Variants in EPB41L5 observed in about 807,000 individuals in gnomAD.
The protein encoded by EPB41L5 is erythrocyte membrane protein band 4.1 like 5.
EPB41L5 carries 55 observed loss-of-function variants against 106.6 expected under a neutral mutation model. The ratio of observed to expected loss-of-function variants is 0.52; its 90% confidence interval spans 0.42 to 0.65. EPB41L5 has a LOEUF of 0.65. EPB41L5 is among the 30% of genes least tolerant of loss of function. EPB41L5 has a pLI of 0.00. For synonymous variants in EPB41L5, 297 were observed against 306.7 expected, an observed-to-expected ratio of 0.97 and a Z score of 0.33; for missense variants, 871 against 882.1, an observed-to-expected ratio of 0.99 and a Z score of 0.16.
rs1253324285 is a variant in EPB41L5 at position 120,090,361 on chromosome 2, A to G, written c.888A>G (p.Glu296=). Residue 296 remains glutamate, a synonymous_variant, in exon 12 of 25, where the codon GAA becomes GAG. Coordinates refer to ENST00000263713, the MANE Select transcript of EPB41L5 (RefSeq NM_020909.4). ...VEDDDQGKEQ[E]HTFVFRLDHP... Reference sequence around the variant, plus strand: ...TTCTTTTTCAGGGCAAAGAACAGGAACATACATTTGTCTTTAGACTGGATC... The same window carrying G: ...TTCTTTTTCAGGGCAAAGAACAGGAGCATACATTTGTCTTTAGACTGGATC... 1 of 1,607,944 alleles carries G rather than the reference A, an allele frequency of 6.2e-7. No individual in the cohort carries two copies. Among genetic ancestry groups the G allele is most frequent in the Non-Finnish European group, 8.5e-7 (1 of 1,178,284 alleles).
chr2:120,054,308 A>C (rs779186448), intron 3 of EPB41L5, among the ~76,000 whole-genome samples: 1 of 152,170 alleles, frequency 6.6e-6, no homozygotes, highest in Non-Finnish European at 1.5e-5. Flanking sequence ...CTGGGTACTC[A>C]GCCCTAGTCA....
At chr2:120,067,602 G>A (rs546858668) in intron 3 of EPB41L5, among the ~76,000 whole-genome samples, 16 of 152,242 alleles carry the variant, frequency 1.1e-4, no homozygotes, top group African/African-American at 2.4e-4. Flanking sequence ...TGGACATTTC[G>A]AAGTCTCATA....
At chr2:120,136,274 AAAAAGCAAGAAATT>A (rs1162331292) in intron 18 of EPB41L5, among the ~76,000 whole-genome samples, 4 of 151,800 alleles carry the variant, frequency 2.6e-5, no homozygotes, top group African/African-American at 9.7e-5. Flanking sequence ...ACAAAGAAAT[AAAAAGCAAGAAATT>A]TAAACATACC....
chr2:120,023,154 TG>T (rs931370236), intron 2 of EPB41L5, among the ~76,000 whole-genome samples: 2 of 152,212 alleles, frequency 1.3e-5, no homozygotes, highest in African/African-American at 2.4e-5. Context: ...TTTCTTTTGC[TG>T]GGCAAAATAA....
intron 3 of EPB41L5, among the ~76,000 whole-genome samples, chr2:120,066,136 A>G (rs1457713018): frequency 1.3e-5 from 2 of 152,156 alleles, no homozygotes; most frequent in Non-Finnish European, 2.9e-5. Context: ...TAATATTACT[A>G]AAAAATTAAA....
Position 120,167,891 on chromosome 2 carries a change from G to C in EPB41L5, c.2019G>C (p.Met673Ile). Residue 673 changes from methionine (M) to isoleucine (I), a missense_variant, in exon 24 of 25, where the codon ATG becomes ATC. Physicochemically the swap from Met to Ile is conservative, Grantham distance 10. Transcript: ENST00000263713. ...ATCTCCCACAGCAGAGTGGTGCCAT[G>C]TCTAATGGACTTGCGGGATGTGAAA... ...PRWIVPQSGA[M>I]SNGLAGCEML... 6.2e-7 allele frequency: 1 copy of C among 1,614,152 alleles called. No individual in the cohort carries two copies. Among genetic ancestry groups the C allele is most frequent in the South Asian group, 1.1e-5 (1 of 91,084 alleles).
At chr2:120,028,952 AT>A (rs2105161200) in intron 2 of EPB41L5, among the ~76,000 whole-genome samples, 1 of 152,212 alleles carries the variant, frequency 6.6e-6, no homozygotes, top group South Asian at 2.1e-4. Context: ...AGACGGTCAT[AT>A]TTTTTGGACC....
At position 120,090,502 on chromosome 2, in the gene EPB41L5, A is replaced by G. The variant is rs115793888; in HGVS notation, c.1029A>G (p.Ser343=). 205 of 1,611,862 alleles carry G rather than the reference A, an allele frequency of 1.3e-4. 1 individual carries two copies. The African/African-American group carries it at 2.3e-3, about 18-fold the overall frequency. Reference sequence around the variant, plus strand: ...GATCAGGATTTATTCGACTAGGATCACGATTTAGATATAGGTTAATTTTAA... The same window carrying G: ...GATCAGGATTTATTCGACTAGGATCGCGATTTAGATATAGGTTAATTTTAA... ...SHRSGFIRLG[S]RFRYSGKTEY... Residue 343 remains serine (S), a synonymous_variant, in exon 12 of 25, where the codon TCA becomes TCG. Coordinates refer to ENST00000263713, the MANE Select transcript of EPB41L5 (RefSeq NM_020909.4).
At chr2:120,071,071 T>C (rs1014303270) in intron 3 of EPB41L5, among the ~76,000 whole-genome samples, 2 of 152,180 alleles carry the variant, frequency 1.3e-5, no homozygotes, top group African/African-American at 4.8e-5. Context: ...GATGACATGA[T>C]TGTATATTTA....
chr2:120,014,175 A>G (rs1324446233), intron 1 of EPB41L5, among the ~76,000 whole-genome samples: 1 of 152,254 alleles, frequency 6.6e-6, no homozygotes, highest in Admixed American at 6.5e-5. Context: ...TTAACCAACC[A>G]TATTGTGGCC....
intron 16 of EPB41L5, among the ~76,000 whole-genome samples, chr2:120,123,101 T>G (rs896042167): frequency 1.3e-5 from 2 of 152,194 alleles, no homozygotes; most frequent in Non-Finnish European, 2.9e-5. Flanking sequence ...GTCTGATTGT[T>G]GGTTGCACAG....
rs888706461 is a variant in EPB41L5, at chr2:120,175,110, G to C, written c.*203G>C. On this transcript the variant is annotated 3_prime_UTR_variant, in exon 25 of 25. Coordinates refer to ENST00000263713, the MANE Select transcript of EPB41L5 (RefSeq NM_020909.4). ...TCACACTGCATAGCTGCCCAAAAGAGAGTGTTTGGTCTTGAACTTTCTATA... is the reference window on the plus strand; with the variant it reads ...TCACACTGCATAGCTGCCCAAAAGACAGTGTTTGGTCTTGAACTTTCTATA... 1 of 573,792 alleles carries C rather than the reference G, an allele frequency of 1.7e-6. No homozygotes were observed. Among genetic ancestry groups the C allele is most frequent in the Non-Finnish European group, 3.2e-6 (1 of 317,110 alleles). The allele number at this position is 573,792 out of a possible 1,614,324, so 35.5% of individuals were successfully genotyped here.
At chr2:120,160,763 T>C in intron 20 of EPB41L5, 118 bp from the exon 21 acceptor site, 1 of 687,790 alleles carries the variant, frequency 1.5e-6, no homozygotes, top group Non-Finnish European at 2.5e-6. Context: ...TTGAGCATTT[T>C]TTCATATACC....
intron 3 of EPB41L5, among the ~76,000 whole-genome samples, chr2:120,060,847 C>T (rs1680990102): frequency 6.6e-6 from 1 of 152,044 alleles, no homozygotes; most frequent in Non-Finnish European, 1.5e-5. Flanking sequence ...CCTCTTCTTA[C>T]TATCATTCCA....
At chr2:120,087,837 A>C (rs1031705722) in intron 11 of EPB41L5, among the ~76,000 whole-genome samples, 3 of 152,218 alleles carry the variant, frequency 2.0e-5, no homozygotes, top group Admixed American at 2.0e-4. Context: ...TAATAATAAT[A>C]AAGCCTTTTG....
chr2:120,075,686 G>C lies in EPB41L5; in HGVS notation c.453-15G>C, dbSNP rs143512268. 1,775 of 1,610,370 alleles carry C rather than the reference G, an allele frequency of 1.1e-3. 4 individuals are homozygous for C. Among genetic ancestry groups the C allele is most frequent in the Non-Finnish European group, 1.4e-3 (1,626 of 1,176,932 alleles). On this transcript the variant is annotated splice_polypyrimidine_tract_variant and intron_variant, in intron 6 of 24. Transcript: ENST00000263713. ...TGAAATCAACTTGTCTAACAAACTTGTGTTTTGGTCTCAGATTAGACTGTC... is the reference window on the plus strand; with the variant it reads ...TGAAATCAACTTGTCTAACAAACTTCTGTTTTGGTCTCAGATTAGACTGTC...
chr2:120,015,692 A>G (rs569099184), intron 1 of EPB41L5, among the ~76,000 whole-genome samples: 4 of 151,906 alleles, frequency 2.6e-5, no homozygotes, highest in Non-Finnish European at 5.9e-5. Flanking sequence ...TAATCCCAGC[A>G]CTTTGGGAGG....
intron 10 of EPB41L5, among the ~76,000 whole-genome samples, chr2:120,083,676 G>C (rs1330713282): frequency 6.6e-6 from 1 of 151,600 alleles, no homozygotes; most frequent in Admixed American, 6.6e-5. Flanking sequence ...TTTCTGTCTC[G>C]ATCTGTCTAA....
chr2:120,156,077 G>A (rs1686888206), intron 20 of EPB41L5, among the ~76,000 whole-genome samples: 1 of 152,162 alleles, frequency 6.6e-6, no homozygotes, highest in South Asian at 2.1e-4. Flanking sequence ...ATCTATTGTG[G>A]AGCATGGCCA....
Sources: gnomAD v4.1 joint callset for allele counts (sites outside exome capture counted in the v4.1 genomes callset) on GRCh38, gnomAD v4.1.1 for gene constraint, MANE v1.5 for transcripts, NCBI Gene and HGNC (gene_info 2026-07-23, HGNC 2026-07-21) for gene names.